PLCB4: variants seen among roughly 807,000 people sequenced by gnomAD.
PLCB4 encodes the protein 1-phosphatidylinositol 4,5-bisphosphate phosphodiesterase beta-4.
PLCB4 carries 77 observed loss-of-function variants against 178.8 expected under a neutral mutation model. The ratio of observed to expected loss-of-function variants is 0.43; its 90% CI spans 0.36 to 0.52. The LOEUF (loss-of-function observed/expected upper bound fraction) is 0.52, where lower values mean the gene tolerates loss of function less well. Ranked by LOEUF, PLCB4 falls within the 20% of genes least tolerant of loss-of-function variation. The pLI is 0.00. For synonymous variants in PLCB4, 496 were observed against 490.8 expected (o/e 1.01, Z -0.14); for missense variants, 1,024 against 1,453.4 (o/e 0.70, Z 4.80).
rs937352703 is a variant in PLCB4 at position 9,286,926 on chromosome 20, A to G, written c.-15-20874A>G. ...GGCTGTGAGCCAAACAACTTCTTCA[A>G]TCTCTTGCCAGGTCTCTAGTCTGTG... On this transcript the variant is annotated intron_variant, in intron 3 of 39. Transcript: ENST00000378473. Among the ~76,000 whole-genome samples, 9 of 151,962 alleles carry G rather than the reference A, an allele frequency of 5.9e-5. No homozygotes were observed. The South Asian group carries it at 1.0e-3, about 18-fold the overall frequency.
At chr20:9,413,583 T>C (rs1041213989) in intron 25 of PLCB4, among the ~76,000 whole-genome samples, 1 of 145,574 alleles carries the variant, frequency 6.9e-6, no homozygotes, top group East Asian at 2.0e-4. Context: ...GTCGTGAACC[T>C]GGGAGGCAGA....
intron 4 of PLCB4, among the ~76,000 whole-genome samples, chr20:9,317,392 T>C (rs997121602): frequency 6.6e-6 from 1 of 152,058 alleles, no homozygotes; most frequent in Non-Finnish European, 1.5e-5. Flanking sequence ...TTTTGTGGGG[T>C]AGGGCAGGGG....
intron 4 of PLCB4, among the ~76,000 whole-genome samples, chr20:9,324,721 T>C (rs943914016): frequency 1.3e-5 from 2 of 152,146 alleles, no homozygotes; most frequent in African/African-American, 2.4e-5. Context: ...GCTGCACTTA[T>C]TTTAGACACA....
In PLCB4 at chr20:9,399,364, G is replaced by A. The variant is rs77041744; in HGVS notation, c.1511-2126G>A. ...GTTGCCTCAGTAATACTTGGCTTTG[G>A]TTCTGGTCAACTAGTCGGCTATAAT... On this transcript the variant is annotated intron_variant, in intron 19 of 39. Coordinates refer to ENST00000378473, the MANE Select transcript of PLCB4 (RefSeq NM_001377142.1). Among the ~76,000 whole-genome samples, 6 of 152,304 alleles carry A rather than the reference G, an allele frequency of 3.9e-5. No individual in the cohort carries two copies. The East Asian group carries it at 1.2e-3, about 29-fold the overall frequency.
At chr20:9,327,519 G>A (rs1485659486) in intron 4 of PLCB4, among the ~76,000 whole-genome samples, 1 of 151,998 alleles carries the variant, frequency 6.6e-6, no homozygotes, top group African/African-American at 2.4e-5. Flanking sequence ...GCTCCCGCCT[G>A]TAGTCTCAGC....
chr20:9,105,422 T>G (rs1410159621), intron 2 of PLCB4, among the ~76,000 whole-genome samples: 1 of 152,110 alleles, frequency 6.6e-6, no homozygotes, highest in Non-Finnish European at 1.5e-5. Flanking sequence ...TTTGTTCATT[T>G]GAAGTGTACA....
chr20:9,170,737 G>C (rs1338315863), intron 2 of PLCB4, among the ~76,000 whole-genome samples: 6 of 152,176 alleles, frequency 3.9e-5, no homozygotes, highest in Admixed American at 3.9e-4. Context: ...TACCTAACAA[G>C]GTCTGGGGTT....
At chr20:9,460,866 G>A (rs559975778) in intron 35 of PLCB4, among the ~76,000 whole-genome samples, 45 of 152,296 alleles carry the variant, frequency 3.0e-4, no homozygotes, top group African/African-American at 1.1e-3. Flanking sequence ...ATTCTCATTT[G>A]AGGCAACTAA....
intron 2 of PLCB4, among the ~76,000 whole-genome samples, chr20:9,145,462 A>G (rs1365578177): frequency 6.6e-6 from 1 of 152,044 alleles, no homozygotes; most frequent in African/African-American, 2.4e-5. Context: ...CATTAATTCA[A>G]AATTCATAAT....
At chr20:9,439,675 G>A (rs1399892527) in intron 30 of PLCB4, among the ~76,000 whole-genome samples, 2 of 152,174 alleles carry the variant, frequency 1.3e-5, no homozygotes. Context: ...CCTGGTGAGG[G>A]TTGGTGGTGT....
intron 3 of PLCB4, among the ~76,000 whole-genome samples, chr20:9,268,945 C>T (rs2094376156): frequency 6.6e-6 from 1 of 152,190 alleles, no homozygotes; most frequent in African/African-American, 2.4e-5. Flanking sequence ...TTGTCATCAC[C>T]TACCTTGCCC....
intron 28 of PLCB4, among the ~76,000 whole-genome samples, chr20:9,424,802 G>A (rs1883486): frequency 0.018 from 2,667 of 152,180 alleles, 36 homozygotes; most frequent in South Asian, 0.026. Context: ...GGGGGTGGGC[G>A]GGGTGTCTGT....
chr20:9,152,151 G>A (rs1438128375), intron 2 of PLCB4, among the ~76,000 whole-genome samples: 1 of 152,120 alleles, frequency 6.6e-6, no homozygotes, highest in Non-Finnish European at 1.5e-5. Flanking sequence ...GGGAAGCAGA[G>A]CATAAAAGTT....
chr20:9,244,687 C>T (rs993834605), intron 3 of PLCB4, among the ~76,000 whole-genome samples: 1 of 152,064 alleles, frequency 6.6e-6, no homozygotes, highest in Non-Finnish European at 1.5e-5. Context: ...TTTAGGTGGA[C>T]TTTTTTTGTT....
intron 25 of PLCB4, among the ~76,000 whole-genome samples, chr20:9,417,730 G>T (rs570209587): frequency 6.6e-6 from 1 of 152,258 alleles, no homozygotes; most frequent in East Asian, 1.9e-4. Flanking sequence ...GAATGGAATT[G>T]CTGGGTCATA....
chr20:9,371,819 C>T (rs973037532), intron 10 of PLCB4, among the ~76,000 whole-genome samples: 1 of 152,108 alleles, frequency 6.6e-6, no homozygotes, highest in African/African-American at 2.4e-5. Flanking sequence ...AGATTGAAGC[C>T]TGGTACTATT....
intron 3 of PLCB4, among the ~76,000 whole-genome samples, chr20:9,239,074 G>T (rs1464277567): frequency 6.6e-6 from 1 of 152,042 alleles, no homozygotes; most frequent in Non-Finnish European, 1.5e-5. Context: ...TTGATTTTTT[G>T]ATACTTACCT....
At chr20:9,266,397 A>C (rs566037116) in intron 3 of PLCB4, among the ~76,000 whole-genome samples, 36 of 152,332 alleles carry the variant, frequency 2.4e-4, no homozygotes, top group African/African-American at 7.9e-4. Flanking sequence ...GCTTTCTCTT[A>C]CTTTTGTAAT....
At chr20:9,317,810 A>G (rs1008161206) in intron 4 of PLCB4, among the ~76,000 whole-genome samples, 1 of 152,232 alleles carries the variant, frequency 6.6e-6, no homozygotes, top group Non-Finnish European at 1.5e-5. Context: ...TAGTAAAGAA[A>G]GAGTTTGGGC....
Sources: allele counts gnomAD v4.1 joint callset (sites outside exome capture counted in the v4.1 genomes callset), GRCh38; gene constraint gnomAD v4.1.1; transcripts MANE v1.5; gene names NCBI Gene and HGNC (gene_info 2026-07-23, HGNC 2026-07-21).